The following DDX39B variants were observed in gnomAD, a reference collection of about 807,000 sequenced individuals.
DDX39B encodes spliceosome RNA helicase DDX39B.
DDX39B carries 6 observed loss-of-function variants against 46.4 expected under a neutral mutation model. The observed-to-expected ratio is 0.13, with a 90% CI of 0.07 to 0.26. DDX39B has a LOEUF of 0.26. DDX39B is among the 10% of genes least tolerant of loss of function. The pLI, the probability that DDX39B is intolerant of heterozygous loss-of-function variation, is 1.00. For missense variants in DDX39B, 185 were observed against 553.4 expected (o/e 0.33, Z 6.68); for synonymous variants, 174 against 199.4 (o/e 0.87, Z 1.07).
chr6:31,538,869 T>C lies in DDX39B; in HGVS notation c.340-14A>G, dbSNP rs1231221182. Reference sequence around the variant, plus strand: ...CAGTACAGACACCTTAGGCAGGAAGTAGACGGAGACATATGGTAAATGTAG... The same window carrying C: ...CAGTACAGACACCTTAGGCAGGAAGCAGACGGAGACATATGGTAAATGTAG... On this transcript the variant is annotated splice_polypyrimidine_tract_variant and intron_variant, in intron 3 of 10. Coordinates refer to ENST00000396172, the MANE Select transcript of DDX39B (RefSeq NM_004640.7). 6.2e-7 allele frequency: 1 copy of C among 1,611,970 alleles called. No homozygotes were observed. The highest frequency in any genetic ancestry group is 8.5e-7 in the Non-Finnish European group (1 of 1,178,082).
rs1316566294 is a variant in DDX39B, at chr6:31,531,145, T to A, written c.1030A>T (p.Thr344Ser). The A allele has an allele frequency of 6.2e-7, 1 of 1,614,216 alleles. No individual in the cohort carries two copies. The highest frequency in any genetic ancestry group is 1.3e-5 in the African/African-American group (1 of 75,056). ...KDFQRRILVATNLFGRGMDIE... is the reference protein window; with the variant it reads ...KDFQRRILVASNLFGRGMDIE... ...TCCATGCCTCGGCCAAATAGGTTGG[T>A]AGCCACAAGAATTCGTCGTTGAAAA... The change falls in exon 9 of 11, where the codon ACC becomes TCC. Residue 344 changes from threonine to serine, a missense_variant. Coordinates refer to ENST00000396172, the MANE Select transcript of DDX39B (RefSeq NM_004640.7). This position sits in a 1 kb window ranked among gnomAD's most constrained non-coding sequence, Gnocchi z 5.8.
In DDX39B at chr6:31,530,370, T is replaced by C; in HGVS notation, c.*64A>G. ...AGGGGTGGGGGCAGTAGTGTCTCCT[T>C]CACCCCCACCCTGGTGTCCTCTCCT... On this transcript the variant is annotated 3_prime_UTR_variant, in exon 11 of 11. Transcript: ENST00000396172. This position sits in a 1 kb window ranked among gnomAD's most constrained non-coding sequence, Gnocchi z 4.5. 2 of 1,599,570 alleles carry C rather than the reference T, an allele frequency of 1.3e-6. No homozygotes were observed. Among genetic ancestry groups the C allele is most frequent in the Non-Finnish European group, 1.7e-6 (2 of 1,170,180 alleles).
Position 31,540,567 on chromosome 6 carries a change from C to CTGGA in DDX39B, c.-39_-36dup, listed in dbSNP as rs1305737728. 6.2e-7 allele frequency: 1 copy of CTGGA among 1,609,540 alleles called. No homozygotes were observed. On this transcript the variant is annotated 5_prime_UTR_variant, in exon 2 of 11. Transcript: ENST00000396172. ...GGCAGGGGAAGAAGGGAAGGGGGAT[C>CTGGA]TGGATGGGTTCTCGCAAAATAGGTG...
intron 3 of DDX39B, 90 bp from the exon 4 acceptor site, chr6:31,538,945 C>T (rs775595502): frequency 1.3e-6 from 2 of 1,491,666 alleles, no homozygotes; most frequent in Admixed American, 1.7e-5. Context: ...CACACCTGGG[C>T]CGATAATAAA....
rs1355064677 is a variant in DDX39B at position 31,534,522 on chromosome 6, AC to A, written c.735+844del. ...CCCTCTCCTCTGAGTATTAAAAAAAACAAAAAAATTTTTTTAAGAAAAAAAA... is the reference window on the plus strand; with the variant it reads ...CCCTCTCCTCTGAGTATTAAAAAAAAAAAAAAATTTTTTTAAGAAAAAAAA... On this transcript the variant is annotated intron_variant, in intron 6 of 10. Coordinates refer to ENST00000396172, the MANE Select transcript of DDX39B (RefSeq NM_004640.7). The surrounding 1 kb of genome is among the most constrained non-coding windows in gnomAD (Gnocchi z 5.1). 2.8e-5 allele frequency: 13 copies of A among 469,932 alleles called. No homozygotes were observed. The highest frequency in any genetic ancestry group is 2.4e-4 in the African/African-American group (12 of 49,850). 29.1% of individuals were successfully genotyped at this position (469,932 alleles called of 1,614,324 possible).
chr6:31,541,319 G>A (rs1170716120), intron 1 of DDX39B: 1 of 429,910 alleles, frequency 2.3e-6, no homozygotes, highest in Non-Finnish European at 4.8e-6. Context: ...CAAAATTCAT[G>A]TCTCCACCCT....
rs1240438475 is a variant in DDX39B at position 31,541,996 on chromosome 6, G to A, written c.-179C>T. On this transcript the variant is annotated 5_prime_UTR_variant, in exon 1 of 11. Coordinates refer to ENST00000396172, the MANE Select transcript of DDX39B (RefSeq NM_004640.7). ...GGCGGCAGCAACAGCGACGAAGGAG[G>A]GAAATCTGCCTTCACTTCCGGTTGC... The A allele has an allele frequency of 2.9e-6, 2 of 680,394 alleles. No homozygotes were observed. Among genetic ancestry groups the A allele is most frequent in the East Asian group, 2.7e-5 (1 of 36,608 alleles). 42.1% of individuals were successfully genotyped at this position (680,394 alleles called of 1,614,324 possible). A position where few individuals can be genotyped will look rare whatever the true frequency, so the allele number is the denominator to read the frequency against.
intron 4 of DDX39B, 144 bp downstream of exon 4, chr6:31,538,619 C>A: frequency 1.4e-6 from 1 of 698,460 alleles, no homozygotes; most frequent in South Asian, 1.9e-5. Flanking sequence ...AATTACGAAT[C>A]CTCCTGTTAC....
rs148931659 is a variant in DDX39B at position 31,539,278 on chromosome 6, A to G, written c.212-4T>C. 4,015 of 1,609,516 alleles carry G rather than the reference A, an allele frequency of 2.5e-3. 155 individuals are homozygous for G. In the South Asian group the frequency reaches 0.027, roughly 11 times the overall value. On this transcript the variant is annotated splice_polypyrimidine_tract_variant and splice_region_variant and intron_variant, in intron 2 of 10. Coordinates refer to ENST00000396172, the MANE Select transcript of DDX39B (RefSeq NM_004640.7). ...TGAGGGATGCACTCATGCTGGACTA[A>G]AAGTTGGGGGGGGAGGAAGATAAAT...
Position 31,534,169 on chromosome 6 carries a change from C to T in DDX39B, c.735+1198G>A. ...GGACTACAGGCATGCGCCACCACGCCCGGTTTTTCTGGTAGAGACAAAGTC... is the reference window on the plus strand; with the variant it reads ...GGACTACAGGCATGCGCCACCACGCTCGGTTTTTCTGGTAGAGACAAAGTC... On this transcript the variant is annotated intron_variant, in intron 6 of 10. Coordinates refer to ENST00000396172, the MANE Select transcript of DDX39B (RefSeq NM_004640.7). The surrounding 1 kb of genome is among the most constrained non-coding windows in gnomAD (Gnocchi z 5.1). 1 of 185,096 alleles carries T rather than the reference C, an allele frequency of 5.4e-6. No individual in the cohort carries two copies. The allele number at this position is 185,096 out of a possible 1,614,324, so 11.5% of individuals were successfully genotyped here.
At chr6:31,536,840 C>A (rs1442498400) in intron 4 of DDX39B, among the ~76,000 whole-genome samples, 157 bp from the exon 5 acceptor site, 1 of 152,208 alleles carries the variant, frequency 6.6e-6, no homozygotes, top group Admixed American at 6.5e-5. Flanking sequence ...ATGTCCCCCC[C>A]ACCAAACACT....
Position 31,540,509 on chromosome 6 carries a change from A to G in DDX39B, c.24T>C (p.Asn8=). The G allele has an allele frequency of 6.2e-7, 1 of 1,614,038 alleles. No homozygotes were observed. Among genetic ancestry groups the G allele is most frequent in the Non-Finnish European group, 8.5e-7 (1 of 1,179,958 alleles). The change falls in exon 2 of 11, where the codon AAT becomes AAC. Residue 8 remains asparagine (N), a synonymous_variant. Transcript: ENST00000396172. MAENDVD[N]ELLDYEDDEV... The stretch of plus-strand genomic sequence containing the variant: ...CATCATCTTCATAGTCCAAGAGCTC[A>G]TTGTCCACATCGTTCTCTGCCATAA...
At position 31,541,995 on chromosome 6, in the gene DDX39B, G is replaced by A. The variant is rs759856794; in HGVS notation, c.-178C>T. 1.0e-5 allele frequency: 7 copies of A among 680,214 alleles called. No homozygotes were observed. Among genetic ancestry groups the A allele is most frequent in the African/African-American group, 1.8e-5 (1 of 56,748 alleles). 42.1% of individuals were successfully genotyped at this position (680,214 alleles called of 1,614,324 possible). On this transcript the variant is annotated 5_prime_UTR_variant, in exon 1 of 11. Transcript: ENST00000396172. ...TGGCGGCAGCAACAGCGACGAAGGAGGGAAATCTGCCTTCACTTCCGGTTG... is the reference window on the plus strand; with the variant it reads ...TGGCGGCAGCAACAGCGACGAAGGAAGGAAATCTGCCTTCACTTCCGGTTG...
At position 31,536,623 on chromosome 6, in the gene DDX39B, A is replaced by C; in HGVS notation, c.493T>G (p.Cys165Gly). 1.9e-6 allele frequency: 3 copies of C among 1,613,242 alleles called. No individual in the cohort carries two copies. Among genetic ancestry groups the C allele is most frequent in the Non-Finnish European group, 2.5e-6 (3 of 1,180,040 alleles). ...KKDEEVLKKNCPHIVVGTPGR... is the reference protein window; with the variant it reads ...KKDEEVLKKNGPHIVVGTPGR... Reference sequence around the variant, plus strand: ...GGAGTCCCCACGACGATATGCGGGCAGTTCTTCTTCAGCACCTCTTCATCC... The same window carrying C: ...GGAGTCCCCACGACGATATGCGGGCCGTTCTTCTTCAGCACCTCTTCATCC... Residue 165 changes from cysteine (C) to glycine (G), a missense_variant, in exon 5 of 11, where the codon TGC (cysteine) becomes GGC (glycine). Coordinates refer to ENST00000396172, the MANE Select transcript of DDX39B (RefSeq NM_004640.7).
In DDX39B at chr6:31,531,253, T is replaced by C; in HGVS notation, c.977+43A>G. 1 of 1,614,074 alleles carries C rather than the reference T, an allele frequency of 6.2e-7. No individual in the cohort carries two copies. On this transcript the variant is annotated intron_variant, in intron 8 of 10. Coordinates refer to ENST00000396172, the MANE Select transcript of DDX39B (RefSeq NM_004640.7). This position sits in a 1 kb window ranked among gnomAD's most constrained non-coding sequence, Gnocchi z 5.8. The stretch of plus-strand genomic sequence containing the variant: ...GAGATTCCCTTCTCTCAACTGTCTT[T>C]TTCTCCCAAGGACACAAAATATCTT...
rs754085793 is a variant in DDX39B, at chr6:31,530,425, G to T, written c.*9C>A. ...GACAGACGGTCACATTCCAAAATGG[G>T]CGAGTCTTCTACCGTGTCTGTTCAA... On this transcript the variant is annotated 3_prime_UTR_variant, in exon 11 of 11. Coordinates refer to ENST00000396172, the MANE Select transcript of DDX39B (RefSeq NM_004640.7). The surrounding 1 kb of genome is among the most constrained non-coding windows in gnomAD (Gnocchi z 4.5). 3 of 1,612,784 alleles carry T rather than the reference G, an allele frequency of 1.9e-6. No homozygotes were observed. The highest frequency in any genetic ancestry group is 1.3e-5 in the African/African-American group (1 of 74,980).
At chr6:31,533,147 A>G in intron 6 of DDX39B, 1 of 427,126 alleles carries the variant, frequency 2.3e-6, no homozygotes, top group Non-Finnish European at 4.4e-6. Flanking sequence ...AAAAACTATC[A>G]TGGGAAAGAA....
intron 2 of DDX39B, 42 bp downstream of exon 2, chr6:31,540,280 T>G: frequency 6.3e-7 from 1 of 1,596,778 alleles, no homozygotes; most frequent in Non-Finnish European, 8.6e-7. Flanking sequence ...ATTGTACCCT[T>G]AAAGAGCCCA....
At position 31,531,644 on chromosome 6, in the gene DDX39B, G is replaced by C. The variant is rs1227882645; in HGVS notation, c.868-239C>G. Reference sequence around the variant, plus strand: ...AGCACAGAGTTCAGAAATCAAAATTGCCAGACATGCTAGGAGATGAGGATG... The same window carrying C: ...AGCACAGAGTTCAGAAATCAAAATTCCCAGACATGCTAGGAGATGAGGATG... On this transcript the variant is annotated intron_variant, in intron 7 of 10. Transcript: ENST00000396172. The surrounding 1 kb of genome is among the most constrained non-coding windows in gnomAD (Gnocchi z 5.8). The C allele has an allele frequency of 3.8e-6, 2 of 522,238 alleles. No homozygotes were observed. The highest frequency in any genetic ancestry group is 3.8e-5 in the African/African-American group (2 of 52,210). The allele number at this position is 522,238 out of a possible 1,614,324, so 32.4% of individuals were successfully genotyped here. A position where few individuals can be genotyped will look rare whatever the true frequency, so the allele number is the denominator to read the frequency against.
Sources: gnomAD v4.1 joint callset for allele counts (sites outside exome capture counted in the v4.1 genomes callset) on GRCh38, gnomAD v4.1.1 for gene constraint, Gnocchi (gnomAD v3.1) non-coding constraint, MANE v1.5 for transcripts, NCBI Gene and HGNC (gene_info 2026-07-23, HGNC 2026-07-21) for gene names.